ZNF619: variants seen among roughly 807,000 people sequenced by gnomAD.
The protein encoded by ZNF619 is zinc finger protein 619.
Under a neutral mutation model 14.2 loss-of-function variants are expected in ZNF619, and 9 were observed. The ratio of observed to expected loss-of-function variants is 0.64; its 90% CI spans 0.38 to 1.11. The LOEUF (loss-of-function observed/expected upper bound fraction) is 1.11. ZNF619 is among the 50% of genes least tolerant of loss of function. The pLI is 0.01. For missense variants in ZNF619, 659 were observed against 680.1 expected, an observed-to-expected ratio of 0.97 and a Z score of 0.34; for synonymous variants, 246 against 252.8, an observed-to-expected ratio of 0.97 and a Z score of 0.26.
intron 2 of ZNF619, among the ~76,000 whole-genome samples, chr3:40,480,431 C>T (rs1697347269): frequency 6.6e-6 from 1 of 151,946 alleles, no homozygotes; most frequent in Non-Finnish European, 1.5e-5. Flanking sequence ...ATCAAAATTT[C>T]CTCCTAGATT....
intron 2 of ZNF619, among the ~76,000 whole-genome samples, chr3:40,481,179 A>C (rs1697380828): frequency 6.6e-6 from 1 of 152,216 alleles, no homozygotes; most frequent in African/African-American, 2.4e-5. Flanking sequence ...TTCCCTGAGA[A>C]GCTGGAGGTG....
chr3:40,486,623 C>T (rs1404310821), intron 4 of ZNF619, among the ~76,000 whole-genome samples, 183 bp from the exon 5 acceptor site: 2 of 151,916 alleles, frequency 1.3e-5, no homozygotes, highest in East Asian at 3.9e-4. Flanking sequence ...ATCACTTGAA[C>T]CTGGGATGCG....
Position 40,478,021 on chromosome 3 carries a change from T to TC in ZNF619, c.24+19dup. 1 of 1,552,302 alleles carries TC rather than the reference T, an allele frequency of 6.4e-7. No individual in the cohort carries two copies. The highest frequency in any genetic ancestry group is 8.7e-7 in the Non-Finnish European group (1 of 1,147,208). ...GGTTCCAGGTGAGCAGAGCTTTCTT[T>TC]CAGCTTTCCATACTCAGAACAGATA... On this transcript the variant is annotated intron_variant, in intron 2 of 4. Coordinates refer to ENST00000432264, the MANE Select transcript of ZNF619 (RefSeq NM_001145093.4).
Position 40,488,316 on chromosome 3 carries a change from A to G in ZNF619, c.*75A>G. ...TGGTCTCCTGATTGTGTCTATTGATATTCCTCTGGTCTTGTCTTGTATAAG... is the reference window on the plus strand; with the variant it reads ...TGGTCTCCTGATTGTGTCTATTGATGTTCCTCTGGTCTTGTCTTGTATAAG... On this transcript the variant is annotated 3_prime_UTR_variant, in exon 5 of 5. Coordinates refer to ENST00000432264, the MANE Select transcript of ZNF619 (RefSeq NM_001145093.4). 1 of 756,316 alleles carries G rather than the reference A, an allele frequency of 1.3e-6. No individual in the cohort carries two copies. Among genetic ancestry groups the G allele is most frequent in the Non-Finnish European group, 2.3e-6 (1 of 439,622 alleles). The allele number at this position is 756,316 out of a possible 1,614,324, so 46.9% of individuals were successfully genotyped here.
chr3:40,482,580 T>C lies in ZNF619; in HGVS notation c.179-8T>C, dbSNP rs772461467. On this transcript the variant is annotated splice_region_variant and splice_polypyrimidine_tract_variant and intron_variant, in intron 3 of 4. Transcript: ENST00000432264. ...CTCAGCTTCATGTTCCTTTTCTTTC[T>C]CCTGTAGCAGCATTTCCATTCCCCA... 7 of 1,613,576 alleles carry C rather than the reference T, an allele frequency of 4.3e-6. No individual in the cohort carries two copies. The East Asian group carries it at 1.6e-4, about 36-fold the overall frequency.
At position 40,487,192 on chromosome 3, in the gene ZNF619, A is replaced by G. The variant is rs1165436492; in HGVS notation, c.682A>G (p.Asn228Asp). 6.2e-7 allele frequency: 1 copy of G among 1,614,226 alleles called. No individual in the cohort carries two copies. Among genetic ancestry groups the G allele is most frequent in the Admixed American group, 1.7e-5 (1 of 60,032 alleles). ...DFHLHQRVHTNEKPYTCKECG... is the reference protein window; with the variant it reads ...DFHLHQRVHTDEKPYTCKECG... The stretch of plus-strand genomic sequence containing the variant: ...TCACCTGCATCAGAGAGTTCACACT[A>G]ATGAGAAGCCCTACACATGCAAAGA... The change falls in exon 5 of 5, where the codon AAT becomes GAT. Residue 228 changes from asparagine (N) to aspartate (D), a missense_variant. Physicochemically the swap from Asn to Asp is conservative, Grantham distance 23. Coordinates refer to ENST00000432264, the MANE Select transcript of ZNF619 (RefSeq NM_001145093.4).
At chr3:40,484,998 G>C (rs1697533299) in intron 4 of ZNF619, among the ~76,000 whole-genome samples, 1 of 151,766 alleles carries the variant, frequency 6.6e-6, no homozygotes, top group Admixed American at 6.6e-5. Flanking sequence ...TTGTTATTTT[G>C]CCTAGGCCAG....
Position 40,487,497 on chromosome 3 carries a change from T to A in ZNF619, c.987T>A (p.Tyr329Ter). Residue 329 changes from tyrosine (Y) to a stop codon, truncating the protein, a stop_gained, in exon 5 of 5, where the codon TAT (tyrosine) becomes TAA (stop). Transcript: ENST00000432264. LOFTEE classifies it low-confidence loss of function (END_TRUNC). ...KECGKAFSCS[Y>*]DCIIHERIHN... ...GTGGGAAAGCCTTCAGTTGTAGCTA[T>A]GACTGCATCATCCATGAACGAATTC... 6.2e-7 allele frequency: 1 copy of A among 1,614,020 alleles called. No homozygotes were observed. The highest frequency in any genetic ancestry group is 8.5e-7 in the Non-Finnish European group (1 of 1,179,974).
Position 40,488,405 on chromosome 3 carries a change from C to A in ZNF619, c.*164C>A. 1 of 579,910 alleles carries A rather than the reference C, an allele frequency of 1.7e-6. No individual in the cohort carries two copies. The highest frequency in any genetic ancestry group is 3.0e-6 in the Non-Finnish European group (1 of 329,210). 35.9% of individuals were successfully genotyped at this position (579,910 alleles called of 1,614,324 possible). A position where few individuals can be genotyped will look rare whatever the true frequency, so the allele number is the denominator to read the frequency against. On this transcript the variant is annotated 3_prime_UTR_variant, in exon 5 of 5. Transcript: ENST00000432264. ...CTTAAGGACCATGTTTGATTAGTTT[C>A]TTTTATCCCCCGGTAGGAAATGGCA...
chr3:40,480,127 A>G (rs1445216062), intron 2 of ZNF619, among the ~76,000 whole-genome samples: 2 of 152,254 alleles, frequency 1.3e-5, no homozygotes, highest in Non-Finnish European at 2.9e-5. Context: ...ATGGAGAGGT[A>G]GAGCATAATG....
chr3:40,478,577 A>G (rs1559534585), intron 2 of ZNF619, among the ~76,000 whole-genome samples: 2 of 152,182 alleles, frequency 1.3e-5, no homozygotes, highest in Non-Finnish European at 2.9e-5. Context: ...AGCTGAAGCC[A>G]GTGCCTTTAG....
At chr3:40,482,117 GC>G in intron 3 of ZNF619, 101 bp downstream of exon 3, 3 of 1,543,458 alleles carry the variant, frequency 1.9e-6, no homozygotes, top group Non-Finnish European at 2.6e-6. Context: ...CAGAATTGAT[GC>G]CCTATGGGCT....
chr3:40,479,113 A>G (rs1009099835), intron 2 of ZNF619, among the ~76,000 whole-genome samples: 1 of 152,158 alleles, frequency 6.6e-6, no homozygotes, highest in Non-Finnish European at 1.5e-5. Context: ...CCATCCTAGC[A>G]GTGTCTCACC....
intron 4 of ZNF619, among the ~76,000 whole-genome samples, chr3:40,486,195 G>A (rs1161758997): frequency 6.6e-6 from 1 of 152,068 alleles, no homozygotes; most frequent in Admixed American, 6.6e-5. Context: ...CTCACCTTTG[G>A]TTTCCTCTAC....
intron 1 of ZNF619, chr3:40,477,671 C>T (rs1367724671): frequency 2.8e-6 from 1 of 362,994 alleles, no homozygotes; most frequent in Non-Finnish European, 5.1e-6. Context: ...AAAACAGCCA[C>T]GAATCCACTG....
chr3:40,488,231 A>C lies in ZNF619; in HGVS notation c.1721A>C (p.His574Pro). ...CTTCAGAGCCCGAATCCTTTGTCTCACTCCCTGTAAGCCCCGTCACGTTCT... is the reference window on the plus strand; with the variant it reads ...CTTCAGAGCCCGAATCCTTTGTCTCCCTCCCTGTAAGCCCCGTCACGTTCT... The part of the protein sequence containing the change: ...SSLQSPNPLS[H>P]SL Residue 574 changes from histidine to proline, a missense_variant, in exon 5 of 5, where the codon CAC becomes CCC. By Grantham distance (77) the His-to-Pro change is moderately conservative (BLOSUM62 -2). Coordinates refer to ENST00000432264, the MANE Select transcript of ZNF619 (RefSeq NM_001145093.4). The C allele has an allele frequency of 1.3e-6, 2 of 1,537,410 alleles. No individual in the cohort carries two copies. Among genetic ancestry groups the C allele is most frequent in the Non-Finnish European group, 1.8e-6 (2 of 1,121,184 alleles).
In ZNF619 at chr3:40,481,914, G is replaced by A. The variant is rs1291979801; in HGVS notation, c.76G>A (p.Ala26Thr). The change falls in exon 3 of 5, where the codon GCT becomes ACT. Residue 26 changes from alanine to threonine, a missense_variant. Ala to Thr is a moderately conservative substitution (Grantham distance 58). Coordinates refer to ENST00000432264, the MANE Select transcript of ZNF619 (RefSeq NM_001145093.4). ...FQEPVTFEDV[A>T]VYFTQNEWAS... is the part of the protein sequence containing the mutation. ...GGAGCCAGTAACCTTTGAGGATGTG[G>A]CTGTGTACTTCACCCAGAATGAATG... 1 of 1,613,844 alleles carries A rather than the reference G, an allele frequency of 6.2e-7. No homozygotes were observed. Among genetic ancestry groups the A allele is most frequent in the South Asian group, 1.1e-5 (1 of 91,066 alleles).
At position 40,489,175 on chromosome 3, in the gene ZNF619, G is replaced by A. The variant is rs757587432; in HGVS notation, c.*934G>A. 5.3e-5 allele frequency: 8 copies of A among 150,698 alleles called. No individual in the cohort carries two copies. Among genetic ancestry groups the A allele is most frequent in the South Asian group, 4.2e-4 (2 of 4,734 alleles). 9.3% of individuals were successfully genotyped at this position (150,698 alleles called of 1,614,324 possible). ...AAGGGGATATGGTTTTTCAATTTGG[G>A]TTCCTTCTCTATTTTCATTTTCCTT... On this transcript the variant is annotated 3_prime_UTR_variant, in exon 5 of 5. Coordinates refer to ENST00000432264, the MANE Select transcript of ZNF619 (RefSeq NM_001145093.4).
rs749979571 is a variant in ZNF619 at position 40,482,617 on chromosome 3, A to G, written c.208A>G (p.Ile70Val). ...SAFPFPKPDLIFQLEQGEAAW... is the reference protein window; with the variant it reads ...SAFPFPKPDLVFQLEQGEAAW... The stretch of plus-strand genomic sequence containing the variant: ...ATTTCCATTCCCCAAACCAGATCTG[A>G]TATTCCAGCTGGAGCAAGGAGAAGC... The change falls in exon 4 of 5, where the codon ATA becomes GTA. Residue 70 changes from isoleucine to valine, a missense_variant. Transcript: ENST00000432264. 2.4e-5 allele frequency: 38 copies of G among 1,613,858 alleles called. No individual in the cohort carries two copies. The highest frequency in any genetic ancestry group is 2.8e-5 in the Non-Finnish European group (33 of 1,180,014).
Sources: gnomAD v4.1 joint callset for allele counts (sites outside exome capture counted in the v4.1 genomes callset) on GRCh38, gnomAD v4.1.1 for gene constraint, MANE v1.5 for transcripts, NCBI Gene and HGNC (gene_info 2026-07-23, HGNC 2026-07-21) for gene names.